UGT1A9: variants seen among roughly 807,000 people sequenced by gnomAD.
The protein encoded by UGT1A9 is UDP glucuronosyltransferase family 1 member A9, also known as UDP-glucuronosyltransferase 1A9.
Under a neutral mutation model 45.0 loss-of-function variants are expected in UGT1A9, and 35 were observed. That is an observed-to-expected ratio of 0.78 (90% CI 0.59 to 1.03). UGT1A9 has a LOEUF of 1.03. Among genes scored for constraint, UGT1A9 ranks in the 50% least tolerant of loss-of-function variants. The pLI is 0.00. For missense variants in UGT1A9, 687 were observed against 666.6 expected, an observed-to-expected ratio of 1.03 and a Z score of -0.34; for synonymous variants, 278 against 250.6, an observed-to-expected ratio of 1.11 and a Z score of -1.03.
chr2:233,746,165 A>G (rs530256545), intron 1 of UGT1A9, among the ~76,000 whole-genome samples: 2 of 151,990 alleles, frequency 1.3e-5, no homozygotes, highest in South Asian at 4.2e-4. Context: ...CAAAGCCAAA[A>G]TCTTGCCTGT....
chr2:233,730,870 C>G (rs1312023750), intron 1 of UGT1A9, among the ~76,000 whole-genome samples: 2 of 152,146 alleles, frequency 1.3e-5, no homozygotes, highest in Admixed American at 1.3e-4. Context: ...CTACTGCACT[C>G]CAGGTTTCTA....
At chr2:233,698,313 T>C (rs545521054) in intron 1 of UGT1A9, among the ~76,000 whole-genome samples, 1 of 152,354 alleles carries the variant, frequency 6.6e-6, no homozygotes, top group South Asian at 2.1e-4. Context: ...CAGATGGAAA[T>C]GTCTGGAACC....
intron 1 of UGT1A9, among the ~76,000 whole-genome samples, chr2:233,683,034 G>A (rs1009810485): frequency 3.4e-4 from 52 of 151,970 alleles, no homozygotes; most frequent in African/African-American, 1.3e-3. Context: ...CAATCTAAAT[G>A]CTATTTTTGG....
intron 1 of UGT1A9, among the ~76,000 whole-genome samples, chr2:233,707,029 C>G (rs962121616): frequency 6.6e-6 from 1 of 152,140 alleles, no homozygotes; most frequent in Non-Finnish European, 1.5e-5. Context: ...CAGCCAGCCC[C>G]CAAGGTAGAG....
At chr2:233,710,778 A>G (rs2076147755) in intron 1 of UGT1A9, among the ~76,000 whole-genome samples, 1 of 152,244 alleles carries the variant, frequency 6.6e-6, no homozygotes, top group African/African-American at 2.4e-5. Flanking sequence ...CAATTTTAGC[A>G]AACGTTTTGT....
intron 1 of UGT1A9, among the ~76,000 whole-genome samples, chr2:233,746,783 T>C (rs1194823127): frequency 6.6e-6 from 1 of 151,828 alleles, no homozygotes; most frequent in East Asian, 1.9e-4. Flanking sequence ...TGGTTTTCTG[T>C]TGTAATTCAT....
intron 1 of UGT1A9, chr2:233,760,741 C>G: frequency 6.2e-7 from 1 of 1,614,110 alleles, no homozygotes; most frequent in South Asian, 1.1e-5. Context: ...GCTGACGGAC[C>G]CTTTCCTTCC....
At chr2:233,715,800 A>G (rs144113297) in intron 1 of UGT1A9, among the ~76,000 whole-genome samples, 21 of 152,308 alleles carry the variant, frequency 1.4e-4, no homozygotes, top group African/African-American at 4.8e-4. Context: ...TTGGAATGTG[A>G]AAATCTTGTT....
chr2:233,760,321 G>A, intron 1 of UGT1A9: 1 of 1,614,014 alleles, frequency 6.2e-7, no homozygotes, highest in Non-Finnish European at 8.5e-7. Context: ...ACGCCCACTT[G>A]TCCTGGGCCT....
At chr2:233,738,412 C>G (rs988923331) in intron 1 of UGT1A9, among the ~76,000 whole-genome samples, 2 of 152,164 alleles carry the variant, frequency 1.3e-5, no homozygotes, top group African/African-American at 2.4e-5. Flanking sequence ...GGGTAACAGG[C>G]AGAGGCTGGA....
intron 1 of UGT1A9, among the ~76,000 whole-genome samples, chr2:233,745,147 T>C (rs1693024972): frequency 6.6e-6 from 1 of 151,864 alleles, no homozygotes; most frequent in Non-Finnish European, 1.5e-5. Flanking sequence ...CCCAAGTATA[T>C]GGAGGGTCAA....
At chr2:233,680,914 A>T (rs12474215) in intron 1 of UGT1A9, among the ~76,000 whole-genome samples, 27,636 of 151,946 alleles carry the variant, frequency 0.18, 2,733 homozygotes, top group Non-Finnish European at 0.23. Context: ...AATGTATCTG[A>T]GGAAAGCCAT....
At chr2:233,736,707 G>C (rs536736454) in intron 1 of UGT1A9, among the ~76,000 whole-genome samples, 9 of 152,300 alleles carry the variant, frequency 5.9e-5, no homozygotes, top group African/African-American at 1.9e-4. Flanking sequence ...TTTTGGTGTA[G>C]ATGTCCTTTT....
chr2:233,737,526 G>A (rs574961545), intron 1 of UGT1A9, among the ~76,000 whole-genome samples: 8 of 152,286 alleles, frequency 5.3e-5, no homozygotes, highest in East Asian at 3.9e-4. Context: ...GTGAGGCGAC[G>A]CCCTGCCCTG....
At chr2:233,761,033 G>T (rs774774935) in intron 1 of UGT1A9, 1 of 1,614,186 alleles carries the variant, frequency 6.2e-7, no homozygotes, top group South Asian at 1.1e-5. Context: ...GACCTATTGA[G>T]CTCTGCATCT....
At chr2:233,726,154 A>C (rs1401315695) in intron 1 of UGT1A9, among the ~76,000 whole-genome samples, 3 of 152,336 alleles carry the variant, frequency 2.0e-5, no homozygotes, top group Middle Eastern at 3.4e-3. Flanking sequence ...TGACAGAGTG[A>C]GGCCCCATTT....
intron 1 of UGT1A9, chr2:233,690,923 CA>C (rs1196108099): frequency 2.0e-6 from 2 of 1,021,660 alleles, no homozygotes; most frequent in Non-Finnish European, 2.3e-6. Flanking sequence ...TTCATTTCTT[CA>C]GCTCCTTCCT....
chr2:233,733,096 G>A (rs2078355938), intron 1 of UGT1A9, among the ~76,000 whole-genome samples: 1 of 152,018 alleles, frequency 6.6e-6, no homozygotes, highest in Non-Finnish European at 1.5e-5. Flanking sequence ...TTCACTCATG[G>A]TTTGGCTCTG....
At position 233,711,263 on chromosome 2, in the gene UGT1A9, C is replaced by G. The variant is rs570843140; in HGVS notation, c.855+38474C>G. 3.9e-5 allele frequency among the ~76,000 whole-genome samples: 6 copies of G among 152,310 alleles called. No homozygotes were observed. In the East Asian group the frequency reaches 1.2e-3, roughly 29 times the overall value. On this transcript the variant is annotated intron_variant, in intron 1 of 4. Transcript: ENST00000354728. ...CATCTTCCAAGATACATGGGCCTCC[C>G]CAGGGTCTAGGAGTCCTAGACGTGG... is the stretch of plus-strand genomic sequence containing the variant.
Sources: allele counts gnomAD v4.1 joint callset (sites outside exome capture counted in the v4.1 genomes callset), GRCh38; gene constraint gnomAD v4.1.1; transcripts MANE v1.5; gene names NCBI Gene and HGNC (gene_info 2026-07-23, HGNC 2026-07-21).